APCDD1: variants seen among roughly 807,000 people sequenced by gnomAD.
APCDD1 encodes APC down-regulated 1, also known as protein APCDD1.
APCDD1 carries 15 observed loss-of-function variants against 38.1 expected under a neutral mutation model. That is an observed-to-expected ratio of 0.39 (90% CI 0.26 to 0.61). The LOEUF is 0.61. Among genes scored for constraint, APCDD1 ranks in the 20% least tolerant of loss-of-function variants. The pLI, the probability that APCDD1 is intolerant of heterozygous loss-of-function variation, is 0.49. For missense variants in APCDD1, 647 were observed against 696.2 expected, an observed-to-expected ratio of 0.93 and a Z score of 0.79; for synonymous variants, 261 against 279.7, an observed-to-expected ratio of 0.93 and a Z score of 0.67.
At chr18:10,458,911 A>G (rs1040802993) in intron 1 of APCDD1, among the ~76,000 whole-genome samples, 1 of 152,178 alleles carries the variant, frequency 6.6e-6, no homozygotes, top group Non-Finnish European at 1.5e-5. Context: ...TGAGTTCTTA[A>G]TGGGTTGGTT....
rs1313222590 is a variant in APCDD1 at position 10,458,541 on chromosome 18, A to G, written c.58+3502A>G. Among the ~76,000 whole-genome samples, 5 of 152,332 alleles carry G rather than the reference A, an allele frequency of 3.3e-5. No homozygotes were observed. The East Asian group carries it at 9.7e-4, about 29-fold the overall frequency. On this transcript the variant is annotated intron_variant, in intron 1 of 4. Coordinates refer to ENST00000355285, the MANE Select transcript of APCDD1 (RefSeq NM_153000.5). ...GAAGCATGACTCACCTGTACCCAACAGGGGCAAGGGTCTCAGACAGATGTT... is the reference window on the plus strand; with the variant it reads ...GAAGCATGACTCACCTGTACCCAACGGGGGCAAGGGTCTCAGACAGATGTT...
chr18:10,473,703 T>G (rs1471814893), intron 3 of APCDD1, among the ~76,000 whole-genome samples: 2 of 151,822 alleles, frequency 1.3e-5, no homozygotes, highest in Admixed American at 6.6e-5. Flanking sequence ...CAGGGTTGAG[T>G]GGGTGTCTTG....
rs78647248 is a variant in APCDD1 at position 10,488,180 on chromosome 18, A to G, written c.*142A>G. On this transcript the variant is annotated 3_prime_UTR_variant, in exon 5 of 5. Transcript: ENST00000355285. ...TCTTTTTCTCCTCTCCCTCCCTCCC[A>G]GCCCCTGAGTCATGAACAGCAAGGA... is the stretch of plus-strand genomic sequence containing the variant. 2,777 of 1,038,316 alleles carry G rather than the reference A, an allele frequency of 2.7e-3. 44 individuals are homozygous for G. In the African/African-American group the frequency reaches 0.039, roughly 15 times the overall value. The allele number at this position is 1,038,316 out of a possible 1,614,324, so 64.3% of individuals were successfully genotyped here.
chr18:10,468,888 A>T (rs527898736), intron 2 of APCDD1, among the ~76,000 whole-genome samples: 71 of 152,372 alleles, frequency 4.7e-4, no homozygotes, highest in Admixed American at 2.7e-3. Flanking sequence ...TTAACCACAC[A>T]GTGTGAGTGA....
At chr18:10,455,279 TC>T (rs1321337468) in intron 1 of APCDD1, among the ~76,000 whole-genome samples, 1 of 152,200 alleles carries the variant, frequency 6.6e-6, no homozygotes, top group Non-Finnish European at 1.5e-5. Context: ...GCGGGACTGT[TC>T]TTTTTGGAAG....
rs2030962532 is a variant in APCDD1 at position 10,475,220 on chromosome 18, C to T, written c.774+3159C>T. ...CTGACCAGGGAACATCAAAGTGTTT[C>T]ATGATGCCTAGCCATAAAACACTTC... On this transcript the variant is annotated intron_variant, in intron 3 of 4. Coordinates refer to ENST00000355285, the MANE Select transcript of APCDD1 (RefSeq NM_153000.5). The surrounding 1 kb of genome is among the most constrained non-coding windows in gnomAD (Gnocchi z 4.0). Among the ~76,000 whole-genome samples the T allele has an allele frequency of 6.6e-6, 1 of 152,196 alleles. No individual in the cohort carries two copies. Among genetic ancestry groups the T allele is most frequent in the African/African-American group, 2.4e-5 (1 of 41,434 alleles).
chr18:10,485,032 A>G lies in APCDD1; in HGVS notation c.775-430A>G, dbSNP rs902827558. On this transcript the variant is annotated intron_variant, in intron 3 of 4. Coordinates refer to ENST00000355285, the MANE Select transcript of APCDD1 (RefSeq NM_153000.5). The surrounding 1 kb of genome is among the most constrained non-coding windows in gnomAD (Gnocchi z 5.8). Reference sequence around the variant, plus strand: ...GAGGAACCACCTTACTGTTTTCCATAGTGGCTGGACCATTGTATATTCTCA... The same window carrying G: ...GAGGAACCACCTTACTGTTTTCCATGGTGGCTGGACCATTGTATATTCTCA... Among the ~76,000 whole-genome samples, 2 of 152,126 alleles carry G rather than the reference A, an allele frequency of 1.3e-5. No homozygotes were observed. The highest frequency in any genetic ancestry group is 2.9e-5 in the Non-Finnish European group (2 of 68,018).
intron 3 of APCDD1, chr18:10,477,432 G>A (rs905439823): frequency 2.0e-5 from 3 of 152,242 alleles, no homozygotes; most frequent in Admixed American, 1.3e-4. Context: ...GAGGTGTGCA[G>A]TGTCACAATC....
chr18:10,485,893 A>C lies in APCDD1; in HGVS notation c.1096+110A>C, dbSNP rs2031241527. On this transcript the variant is annotated intron_variant, in intron 4 of 4. Transcript: ENST00000355285. The surrounding 1 kb of genome is among the most constrained non-coding windows in gnomAD (Gnocchi z 5.8). The stretch of plus-strand genomic sequence containing the variant: ...CCTCTTTTCTGCCTGAGTTCCCAGG[A>C]AAGAAATTGGGGAGTCATTTCTGCC... 1 of 1,252,920 alleles carries C rather than the reference A, an allele frequency of 8.0e-7. No individual in the cohort carries two copies. The highest frequency in any genetic ancestry group is 1.5e-5 in the African/African-American group (1 of 67,548). 77.6% of individuals were successfully genotyped at this position (1,252,920 alleles called of 1,614,324 possible).
At chr18:10,463,627 C>A (rs531744847) in intron 1 of APCDD1, among the ~76,000 whole-genome samples, 1 of 152,178 alleles carries the variant, frequency 6.6e-6, no homozygotes, top group South Asian at 2.1e-4. Flanking sequence ...GTAGTACTCA[C>A]AGGAAAGTCA....
intron 1 of APCDD1, among the ~76,000 whole-genome samples, chr18:10,461,115 A>G (rs1313578703): frequency 6.6e-6 from 1 of 152,192 alleles, no homozygotes; most frequent in Non-Finnish European, 1.5e-5. Flanking sequence ...GCAGTCATTT[A>G]GGATTACTAT....
intron 4 of APCDD1, among the ~76,000 whole-genome samples, chr18:10,486,984 G>C (rs933976487): frequency 6.6e-6 from 1 of 152,206 alleles, no homozygotes; most frequent in African/African-American, 2.4e-5. Context: ...GTTATACACG[G>C]AAGTGGCCCC....
At chr18:10,455,141 A>G (rs1305875230) in intron 1 of APCDD1, 102 bp downstream of exon 1, 5 of 1,487,170 alleles carry the variant, frequency 3.4e-6, no homozygotes, top group Non-Finnish European at 4.5e-6. Flanking sequence ...CACGGCCTAC[A>G]CTGTCCCCTT....
At chr18:10,461,159 TAGTGCACACACGCA>T (rs1285230465) in intron 1 of APCDD1, among the ~76,000 whole-genome samples, 2 of 152,198 alleles carry the variant, frequency 1.3e-5, no homozygotes, top group South Asian at 2.1e-4. Context: ...AGTAAATCAC[TAGTGCACACACGCA>T]GGTGCACACA....
Position 10,468,618 on chromosome 18 carries a change from C to T in APCDD1, c.208C>T (p.Pro70Ser), listed in dbSNP as rs1267834012. ...HNGARITVQM[P>S]PTIEGHWVST... ...TGGTGCAAGGATCACAGTGCAGATG[C>T]CACCTACAATCGAGGGCCACTGGGT... Residue 70 changes from proline (P) to serine (S), a missense_variant, in exon 2 of 5, where the codon CCA (proline) becomes TCA (serine). Coordinates refer to ENST00000355285, the MANE Select transcript of APCDD1 (RefSeq NM_153000.5). The T allele has an allele frequency of 6.2e-7, 1 of 1,613,896 alleles. No individual in the cohort carries two copies. The highest frequency in any genetic ancestry group is 1.1e-5 in the South Asian group (1 of 91,062).
At chr18:10,483,455 CATT>C in intron 3 of APCDD1, among the ~76,000 whole-genome samples, 1 of 152,356 alleles carries the variant, frequency 6.6e-6, no homozygotes, top group African/African-American at 2.4e-5. Context: ...GCAAAGGAAA[CATT>C]ATCTCGCCTG....
At chr18:10,458,933 G>A (rs1472056163) in intron 1 of APCDD1, among the ~76,000 whole-genome samples, 2 of 152,178 alleles carry the variant, frequency 1.3e-5, no homozygotes, top group Non-Finnish European at 2.9e-5. Context: ...TGTGTACATA[G>A]GCCATTGCTT....
chr18:10,479,284 A>G (rs1296772305), intron 3 of APCDD1, among the ~76,000 whole-genome samples: 6 of 152,006 alleles, frequency 3.9e-5, no homozygotes, highest in Middle Eastern at 3.4e-3. Flanking sequence ...TCCATCATCT[A>G]CTCCCATTTT....
At chr18:10,465,854 T>G (rs545884489) in intron 1 of APCDD1, among the ~76,000 whole-genome samples, 3 of 152,380 alleles carry the variant, frequency 2.0e-5, no homozygotes, top group Non-Finnish European at 4.4e-5. Flanking sequence ...TTAACACTGC[T>G]TGATGTCTTG....
Sources: gnomAD v4.1 joint callset for allele counts (sites outside exome capture counted in the v4.1 genomes callset) on GRCh38, gnomAD v4.1.1 for gene constraint, Gnocchi (gnomAD v3.1) non-coding constraint, MANE v1.5 for transcripts, NCBI Gene and HGNC (gene_info 2026-07-23, HGNC 2026-07-21) for gene names.